Variants in PPP6R3 observed in about 807,000 individuals in gnomAD.
PPP6R3 encodes the protein serine/threonine-protein phosphatase 6 regulatory subunit 3.
PPP6R3 carries 38 observed loss-of-function variants against 110.7 expected under a neutral mutation model. That is an observed-to-expected ratio of 0.34 (90% CI 0.26 to 0.45). The LOEUF (loss-of-function observed/expected upper bound fraction) is 0.45. Among genes scored for constraint, PPP6R3 ranks in the 20% least tolerant of loss-of-function variants. The pLI is 1.00. For missense variants in PPP6R3, 870 were observed against 1,062.4 expected (o/e 0.82, Z 2.52); for synonymous variants, 369 against 373.5 (o/e 0.99, Z 0.14).
chr11:68,477,769 T>TATATATATATAA (rs2098846149), intron 1 of PPP6R3, among the ~76,000 whole-genome samples: 4 of 138,146 alleles, frequency 2.9e-5, no homozygotes, highest in Admixed American at 7.3e-5. Flanking sequence ...TATATATATA[T>TATATATATATAA]ATAATTTCCA....
intron 4 of PPP6R3, among the ~76,000 whole-genome samples, chr11:68,547,497 A>G (rs1296782418): frequency 6.6e-6 from 1 of 152,220 alleles, no homozygotes; most frequent in Non-Finnish European, 1.5e-5. Flanking sequence ...CCTTCAGGGT[A>G]GCTCTCTGCC....
intron 14 of PPP6R3, 76 bp downstream of exon 14, chr11:68,576,119 G>T (rs2099530393): frequency 8.8e-7 from 1 of 1,132,832 alleles, no homozygotes; most frequent in South Asian, 1.5e-5. Context: ...AGATGTAAAA[G>T]ATCTTCCATT....
At position 68,574,746 on chromosome 11, in the gene PPP6R3, A is replaced by G. The variant is rs920838932; in HGVS notation, c.1459+522A>G. Among the ~76,000 whole-genome samples, 4 of 152,332 alleles carry G rather than the reference A, an allele frequency of 2.6e-5. No homozygotes were observed. In the East Asian group the frequency reaches 5.8e-4, roughly 22 times the overall value. ...ATAGCATTTCAGTTTAATCAGCCCA[A>G]GCTTATTTGGAAGAAACTATATGGA... On this transcript the variant is annotated intron_variant, in intron 13 of 23. Coordinates refer to ENST00000393800, the MANE Select transcript of PPP6R3 (RefSeq NM_001164161.2).
chr11:68,612,063 G>T lies in PPP6R3; in HGVS notation c.2571-1003G>T, dbSNP rs377190334. Among the ~76,000 whole-genome samples, 3 of 152,312 alleles carry T rather than the reference G, an allele frequency of 2.0e-5. No homozygotes were observed. In the South Asian group the frequency reaches 6.2e-4, roughly 32 times the overall value. On this transcript the variant is annotated intron_variant, in intron 23 of 23. Transcript: ENST00000393800. ...ACTAGTGAAGCCCTGTGGGGCGTGGGGAGGGTTCTTTTCCCATTTTACAGA... is the reference window on the plus strand; with the variant it reads ...ACTAGTGAAGCCCTGTGGGGCGTGGTGAGGGTTCTTTTCCCATTTTACAGA...
At chr11:68,532,855 G>C (rs1341531494) in intron 2 of PPP6R3, among the ~76,000 whole-genome samples, 1 of 152,204 alleles carries the variant, frequency 6.6e-6, no homozygotes, top group Non-Finnish European at 1.5e-5. Context: ...GGCTATACCA[G>C]ATAGCCTAGG....
chr11:68,552,074 G>A (rs1450848851), intron 6 of PPP6R3, among the ~76,000 whole-genome samples: 1 of 152,206 alleles, frequency 6.6e-6, no homozygotes, highest in Non-Finnish European at 1.5e-5. Context: ...GGGTGTGTGT[G>A]TCTCTAGAAG....
At chr11:68,541,848 C>T (rs1057148599) in intron 3 of PPP6R3, among the ~76,000 whole-genome samples, 7 of 152,082 alleles carry the variant, frequency 4.6e-5, no homozygotes, top group African/African-American at 1.2e-4. Flanking sequence ...AGTGGGTTAG[C>T]GGTACTGCTC....
intron 1 of PPP6R3, among the ~76,000 whole-genome samples, chr11:68,508,422 G>T (rs2099090577): frequency 6.6e-6 from 1 of 152,042 alleles, no homozygotes; most frequent in Non-Finnish European, 1.5e-5. Context: ...GAGCCACCGT[G>T]CCTGGCCGGC....
rs570085873 is a variant in PPP6R3 at position 68,493,626 on chromosome 11, T to C, written c.-157-25875T>C. Among the ~76,000 whole-genome samples, 591 of 145,380 alleles carry C rather than the reference T, an allele frequency of 4.1e-3. 3 individuals carry two copies. Among genetic ancestry groups the C allele is most frequent in the African/African-American group, 0.014 (564 of 39,782 alleles). ...AAAAAAAAACAAAACCATATATATA[T>C]ATATATATATAAAATATATATACAA... On this transcript the variant is annotated intron_variant, in intron 1 of 23. Coordinates refer to ENST00000393800, the MANE Select transcript of PPP6R3 (RefSeq NM_001164161.2).
intron 1 of PPP6R3, among the ~76,000 whole-genome samples, chr11:68,514,096 C>T (rs1406771904): frequency 1.3e-5 from 2 of 152,192 alleles, no homozygotes; most frequent in East Asian, 3.8e-4. Context: ...CAAGGTCTTG[C>T]TTTGTCACCC....
At chr11:68,591,414 A>G (rs2099595026) in intron 17 of PPP6R3, among the ~76,000 whole-genome samples, 162 bp from the exon 18 acceptor site, 1 of 152,168 alleles carries the variant, frequency 6.6e-6, no homozygotes, top group Admixed American at 6.5e-5. Flanking sequence ...CTTGTTACGG[A>G]CACAGAAACT....
At chr11:68,467,439 C>T (rs2098756396) in intron 1 of PPP6R3, among the ~76,000 whole-genome samples, 2 of 152,202 alleles carry the variant, frequency 1.3e-5, no homozygotes, top group South Asian at 2.1e-4. Flanking sequence ...CGGCTGCAGA[C>T]TGATGTTGAG....
chr11:68,567,202 C>A (rs187971875), intron 10 of PPP6R3, 36 bp downstream of exon 10: 2 of 1,495,972 alleles, frequency 1.3e-6, no homozygotes, highest in East Asian at 5.1e-5. Context: ...TTTTAATTTG[C>A]CATTGATATT....
At chr11:68,576,104 C>G in intron 14 of PPP6R3, 61 bp downstream of exon 14, 5 of 1,257,582 alleles carry the variant, frequency 4.0e-6, no homozygotes, top group Non-Finnish European at 5.6e-6. Context: ...CCCATTTATT[C>G]AGAAAGATGT....
chr11:68,528,440 G>GA lies in PPP6R3; in HGVS notation c.-7+8789_-7+8790insA, dbSNP rs201128828. Among the ~76,000 whole-genome samples the GA allele has an allele frequency of 2.6e-3, 379 of 145,766 alleles. 10 individuals carry two copies. In the East Asian group the frequency reaches 0.04, roughly 15 times the overall value. On this transcript the variant is annotated intron_variant, in intron 2 of 23. Transcript: ENST00000393800. ...TGATTTAATTTGTGTGTGTGGGGGG[G>GA]GGGGCTGCACCTTTATGAAATTGAC...
chr11:68,597,415 G>A (rs999939991), intron 19 of PPP6R3, among the ~76,000 whole-genome samples: 1 of 152,222 alleles, frequency 6.6e-6, no homozygotes, highest in African/African-American at 2.4e-5. Context: ...TATTCTGAAG[G>A]TTGTAGGGAG....
intron 1 of PPP6R3, among the ~76,000 whole-genome samples, chr11:68,470,922 C>T (rs1373429822): frequency 6.6e-6 from 1 of 151,968 alleles, no homozygotes; most frequent in Non-Finnish European, 1.5e-5. Context: ...TTTTGGAGAG[C>T]AGATTGGAGA....
At chr11:68,471,031 C>G (rs960804592) in intron 1 of PPP6R3, among the ~76,000 whole-genome samples, 2 of 151,606 alleles carry the variant, frequency 1.3e-5, no homozygotes, top group Admixed American at 6.6e-5. Context: ...TCCTGTAATC[C>G]CAGCACTTTG....
chr11:68,570,653 C>G (rs554813121), intron 11 of PPP6R3, among the ~76,000 whole-genome samples: 1 of 152,360 alleles, frequency 6.6e-6, no homozygotes, highest in South Asian at 2.1e-4. Context: ...AAAGTACAAG[C>G]ATTACTTTGG....
Sources: gnomAD v4.1 joint callset for allele counts (sites outside exome capture counted in the v4.1 genomes callset) on GRCh38, gnomAD v4.1.1 for gene constraint, MANE v1.5 for transcripts, NCBI Gene and HGNC (gene_info 2026-07-23, HGNC 2026-07-21) for gene names.